The following NLRP5 variants were observed in gnomAD, a reference collection of about 807,000 sequenced individuals.
The protein encoded by NLRP5 is NLR family pyrin domain containing 5.
In NLRP5, 93 loss-of-function variants were observed where a neutral mutation model predicts 113.1. The ratio of observed to expected loss-of-function variants is 0.82; its 90% confidence interval spans 0.70 to 0.98. The LOEUF is 0.98. NLRP5 is among the 50% of genes least tolerant of loss of function. NLRP5 has a pLI of 0.00. For synonymous variants in NLRP5, 751 were observed against 600.7 expected (o/e 1.25, Z -3.66); for missense variants, 1,808 against 1,514.3 (o/e 1.19, Z -3.22).
At chr19:56,058,214 A>G in intron 13 of NLRP5, 26 bp from the exon 14 acceptor site, 1 of 1,586,548 alleles carries the variant, frequency 6.3e-7, no homozygotes. Context: ...CTTTGGGGTT[A>G]TTTTCTGGGT....
chr19:56,041,179 G>A lies in NLRP5; in HGVS notation c.2957+87G>A, dbSNP rs1983509652. 29 of 1,312,796 alleles carry A rather than the reference G, an allele frequency of 2.2e-5. No individual in the cohort carries two copies. The South Asian group carries it at 3.8e-4, about 17-fold the overall frequency. 81.3% of individuals were successfully genotyped at this position (1,312,796 alleles called of 1,614,324 possible). On this transcript the variant is annotated intron_variant, in intron 11 of 14. Coordinates refer to ENST00000390649, the MANE Select transcript of NLRP5 (RefSeq NM_153447.4). ...CTCAAAGCAGAAGGCAGTGGGGAGG[G>A]GGTGTGGACATCATCACATGAAGGG... is the stretch of plus-strand genomic sequence containing the variant.
chr19:55,988,212 T>G, the NLRP5 span: 1 of 179,110 alleles, frequency 5.6e-6, no homozygotes, highest in Non-Finnish European at 1.1e-5. Flanking sequence ...GCCAACATGG[T>G]GAAACCCCGC....
At chr19:55,998,732 G>GTATATATATATATATGTGTA (rs1196005656), upstream of NLRP5, among the ~76,000 whole-genome samples, 10 of 135,048 alleles carry the variant, frequency 7.4e-5, no homozygotes, top group African/African-American at 8.7e-5. Context: ...ATATATATGT[G>GTATATATATATATATGTGTA]TATATATATA....
Position 56,027,966 on chromosome 19 carries a change from A to G in NLRP5, c.1733A>G (p.Glu578Gly), listed in dbSNP as rs751530110. The G allele has an allele frequency of 3.7e-6, 6 of 1,613,960 alleles. No homozygotes were observed. The South Asian group carries it at 4.4e-5, about 12-fold the overall frequency. Residue 578 changes from glutamate to glycine, a missense_variant, in exon 7 of 15, where the codon GAG becomes GGG. Transcript: ENST00000390649. ...CTTCTCCCAGACAGCCACTGTGAGG[A>G]GTACTACACCTTCTTCCACCTCAGT...
At chr19:56,055,584 C>T (rs1300437051) in intron 13 of NLRP5, among the ~76,000 whole-genome samples, 1 of 116,174 alleles carries the variant, frequency 8.6e-6, no homozygotes, top group Non-Finnish European at 1.7e-5. Flanking sequence ...CTTGCTCTGT[C>T]CCCCAGGCTG....
At chr19:56,018,941 G>C (rs149405901) in intron 4 of NLRP5, among the ~76,000 whole-genome samples, 1 of 152,008 alleles carries the variant, frequency 6.6e-6, no homozygotes, top group Non-Finnish European at 1.5e-5. Flanking sequence ...TTACAGGCAC[G>C]TGCCACCATC....
chr19:55,997,676 AC>A, upstream of NLRP5, among the ~76,000 whole-genome samples: 1 of 143,396 alleles, frequency 7.0e-6, no homozygotes, highest in Middle Eastern at 3.4e-3. Flanking sequence ...TACCAAAAAT[AC>A]CAAAATACCA....
At chr19:56,058,044 AG>A (rs1433929422) in intron 13 of NLRP5, among the ~76,000 whole-genome samples, 195 bp from the exon 14 acceptor site, 33 of 150,654 alleles carry the variant, frequency 2.2e-4, no homozygotes, top group African/African-American at 7.6e-4. Context: ...AAAAAAAAAA[AG>A]GCGAATATTT....
chr19:56,049,801 C>G (rs980754569), intron 11 of NLRP5, among the ~76,000 whole-genome samples: 8 of 152,082 alleles, frequency 5.3e-5, no homozygotes, highest in Non-Finnish European at 1.0e-4. Context: ...TCTAATCCCT[C>G]TCTGATTAGC....
intron 4 of NLRP5, among the ~76,000 whole-genome samples, chr19:56,019,048 G>A (rs549307757): frequency 2.0e-4 from 31 of 152,074 alleles, no homozygotes; most frequent in African/African-American, 6.3e-4. Context: ...TGCCCGCCTC[G>A]GCCTCCCAAA....
chr19:56,017,417 G>T (rs947347589), intron 4 of NLRP5, among the ~76,000 whole-genome samples: 1 of 151,982 alleles, frequency 6.6e-6, no homozygotes, highest in African/African-American at 2.4e-5. Context: ...GGCATTTATG[G>T]CTATAAATTT....
chr19:56,026,347 T>A (rs549557767), intron 6 of NLRP5, among the ~76,000 whole-genome samples: 8 of 151,600 alleles, frequency 5.3e-5, no homozygotes, highest in Non-Finnish European at 1.0e-4. Context: ...GCGAACACGG[T>A]GAAACCCCGT....
chr19:56,059,958 A>C (rs560156606), intron 14 of NLRP5, among the ~76,000 whole-genome samples: 1 of 152,350 alleles, frequency 6.6e-6, no homozygotes, highest in Admixed American at 6.5e-5. Flanking sequence ...GGAAGAAGTC[A>C]AGAGTGGCTG....
At chr19:56,048,473 T>C (rs1448517470) in intron 11 of NLRP5, among the ~76,000 whole-genome samples, 1 of 152,166 alleles carries the variant, frequency 6.6e-6, no homozygotes, top group Non-Finnish European at 1.5e-5. Flanking sequence ...CTTTCCTTCA[T>C]ATAAAATGCT....
intron 3 of NLRP5, among the ~76,000 whole-genome samples, chr19:56,009,339 CAAAAAAAA>C (rs71296979): frequency 4.5e-5 from 2 of 44,304 alleles, no homozygotes; most frequent in Non-Finnish European, 7.7e-5. Flanking sequence ...GACTCCATCT[CAAAAAAAA>C]AAAAAAAAAA....
intron 11 of NLRP5, among the ~76,000 whole-genome samples, chr19:56,043,751 G>C (rs929242290): frequency 6.6e-6 from 1 of 151,020 alleles, no homozygotes; most frequent in Non-Finnish European, 1.5e-5. Context: ...TTTTTTGTGT[G>C]TGTTTTTAGT....
At position 56,028,107 on chromosome 19, in the gene NLRP5, G is replaced by T; in HGVS notation, c.1874G>T (p.Gly625Val). The T allele has an allele frequency of 1.2e-6, 2 of 1,614,040 alleles. No individual in the cohort carries two copies. The highest frequency in any genetic ancestry group is 1.7e-6 in the Non-Finnish European group (2 of 1,179,892). ...AGGTCCATGGAGCTTAAACAGGCAG[G>T]CTTCCATATCCACTCGCTTTGGATG... The change falls in exon 7 of 15, where the codon GGC becomes GTC. Residue 625 changes from glycine to valine, a missense_variant. Transcript: ENST00000390649.
At chr19:56,002,493 T>G (rs1375919847) in intron 1 of NLRP5, among the ~76,000 whole-genome samples, 3 of 151,810 alleles carry the variant, frequency 2.0e-5, no homozygotes, top group African/African-American at 4.8e-5. Context: ...ACTTTAAGTT[T>G]TAGGGTACAT....
At chr19:56,057,139 A>G (rs1275165337) in intron 13 of NLRP5, among the ~76,000 whole-genome samples, 2 of 152,142 alleles carry the variant, frequency 1.3e-5, no homozygotes, top group African/African-American at 2.4e-5. Flanking sequence ...CAGTCTGTGC[A>G]TTTTGGATTT....
Sources: gnomAD v4.1 joint callset for allele counts (sites outside exome capture counted in the v4.1 genomes callset) on GRCh38, gnomAD v4.1.1 for gene constraint, MANE v1.5 for transcripts, NCBI Gene and HGNC (gene_info 2026-07-23, HGNC 2026-07-21) for gene names.